WWOX: variants seen among roughly 807,000 people sequenced by gnomAD.
The protein encoded by WWOX is WW domain containing oxidoreductase, also known as WW domain-containing oxidoreductase.
In WWOX, 69 loss-of-function variants were observed where a neutral mutation model predicts 46.2. The observed-to-expected ratio is 1.49, with a 90% CI of 1.23 to 1.82. The LOEUF (loss-of-function observed/expected upper bound fraction) is 1.82. WWOX is among the 40% of genes most tolerant of loss of function. WWOX has a pLI of 0.00. For missense variants in WWOX, 919 were observed against 542.6 expected (o/e 1.69, Z -6.89); for synonymous variants, 359 against 202.6 (o/e 1.77, Z -6.56).
chr16:79,163,038 T>C (rs1325167185), intron 8 of WWOX, among the ~76,000 whole-genome samples: 1 of 152,200 alleles, frequency 6.6e-6, no homozygotes, highest in Non-Finnish European at 1.5e-5. Context: ...CAAGTATTCT[T>C]TCAGGCATTT....
intron 5 of WWOX, among the ~76,000 whole-genome samples, chr16:78,352,561 C>T (rs962284709): frequency 2.0e-5 from 3 of 152,176 alleles, no homozygotes; most frequent in African/African-American, 7.2e-5. Flanking sequence ...TCTTCTGCTT[C>T]TGCTTTTAAG....
chr16:78,256,455 A>G (rs74027962), intron 5 of WWOX, among the ~76,000 whole-genome samples: 2,052 of 152,034 alleles, frequency 0.013, 62 homozygotes, highest in African/African-American at 0.047. Context: ...TTTTTGCTCC[A>G]ATAAACTGGG....
At chr16:78,261,176 G>A (rs918576971) in intron 5 of WWOX, among the ~76,000 whole-genome samples, 2 of 150,366 alleles carry the variant, frequency 1.3e-5, no homozygotes, top group Admixed American at 1.3e-4. Context: ...TTATATGGTG[G>A]CCAAAAAAGC....
chr16:78,340,881 C>T (rs1442083478), intron 5 of WWOX, among the ~76,000 whole-genome samples: 1 of 119,012 alleles, frequency 8.4e-6, no homozygotes, highest in Non-Finnish European at 2.0e-5. Flanking sequence ...TGTTTATGTT[C>T]TCTTCTGATA....
At chr16:78,187,821 A>G (rs10521024) in intron 5 of WWOX, among the ~76,000 whole-genome samples, 20,485 of 152,202 alleles carry the variant, frequency 0.13, 1,550 homozygotes, top group African/African-American at 0.19. Flanking sequence ...GAATGGTTCA[A>G]GCCACATTAG....
chr16:78,356,258 C>G (rs2081288240), intron 5 of WWOX, among the ~76,000 whole-genome samples: 2 of 151,796 alleles, frequency 1.3e-5, no homozygotes, highest in Admixed American at 1.3e-4. Flanking sequence ...ATATATGTAT[C>G]ATATACATAT....
intron 3 of WWOX, among the ~76,000 whole-genome samples, chr16:78,111,226 G>C (rs2032470992): frequency 6.6e-6 from 1 of 152,130 alleles, no homozygotes; most frequent in South Asian, 2.1e-4. Context: ...CGAGGCAAGA[G>C]ACTGAAGGCA....
At chr16:78,499,467 C>T (rs547286152) in intron 8 of WWOX, among the ~76,000 whole-genome samples, 8 of 152,342 alleles carry the variant, frequency 5.3e-5, no homozygotes, top group African/African-American at 1.9e-4. Flanking sequence ...TCTAAGTGGT[C>T]AGGTGGGACT....
intron 8 of WWOX, among the ~76,000 whole-genome samples, chr16:79,048,308 C>T (rs79032888): frequency 0.029 from 4,470 of 152,126 alleles, 215 homozygotes; most frequent in African/African-American, 0.1. Context: ...GATGGAAGCC[C>T]AGGGGCCCCA....
chr16:78,141,993 CT>C (rs34178361), intron 4 of WWOX, among the ~76,000 whole-genome samples: 24,229 of 145,844 alleles, frequency 0.17, 2,401 homozygotes, highest in African/African-American at 0.28. Context: ...TTTTAAATTT[CT>C]TTTTTTTTTT....
intron 8 of WWOX, among the ~76,000 whole-genome samples, chr16:78,600,563 C>G (rs900419568): frequency 6.6e-6 from 1 of 152,150 alleles, no homozygotes; most frequent in Non-Finnish European, 1.5e-5. Flanking sequence ...GGATCATCAT[C>G]ATTTTGTGGG....
intron 5 of WWOX, among the ~76,000 whole-genome samples, chr16:78,260,024 C>G (rs2038236851): frequency 6.6e-6 from 1 of 151,228 alleles, no homozygotes. Context: ...TGCCTTCTGA[C>G]TGGGTGAGAC....
At chr16:78,457,625 A>G (rs1371589094) in intron 8 of WWOX, among the ~76,000 whole-genome samples, 4 of 152,102 alleles carry the variant, frequency 2.6e-5, no homozygotes, top group Admixed American at 6.6e-5. Flanking sequence ...TGAAAATAAC[A>G]TGAACTGGCC....
chr16:78,197,668 T>C (rs961632136), intron 5 of WWOX, among the ~76,000 whole-genome samples: 2 of 152,228 alleles, frequency 1.3e-5, no homozygotes, highest in Non-Finnish European at 2.9e-5. Flanking sequence ...TTCACGTCTT[T>C]ATTGCATGCC....
chr16:79,171,696 A>G (rs2050702498), intron 8 of WWOX, among the ~76,000 whole-genome samples: 1 of 152,054 alleles, frequency 6.6e-6, no homozygotes, highest in Admixed American at 6.5e-5. Context: ...CTTTTTTATC[A>G]TCCAATCAGC....
In WWOX at chr16:79,023,957, A is replaced by AAAC. The variant is rs67624913; in HGVS notation, c.1057-187648_1057-187646dup. 2.9e-4 allele frequency among the ~76,000 whole-genome samples: 3 copies of AAAC among 10,396 alleles called. No homozygotes were observed. The African/African-American group carries it at 5.2e-3, about 18-fold the overall frequency. The allele number at this position is 10,396 out of a possible 152,430, so 6.8% of individuals were successfully genotyped here. On this transcript the variant is annotated intron_variant, in intron 8 of 8. Transcript: ENST00000566780. The stretch of plus-strand genomic sequence containing the variant: ...GATGACAGCAAGACTCCATCTCAAA[A>AAAC]AACAAACAAAAAAAACATTATATTA...
At chr16:78,875,860 C>T (rs567237839) in intron 8 of WWOX, among the ~76,000 whole-genome samples, 1 of 152,188 alleles carries the variant, frequency 6.6e-6, no homozygotes, top group African/African-American at 2.4e-5. Context: ...AAGAATGTTT[C>T]TTCCACACTT....
chr16:78,632,318 A>G (rs183344486), intron 8 of WWOX, among the ~76,000 whole-genome samples: 1 of 152,272 alleles, frequency 6.6e-6, no homozygotes, highest in East Asian at 1.9e-4. Context: ...AACACGTAGA[A>G]TAGTATTTGA....
chr16:79,017,068 G>C (rs2047429103), intron 8 of WWOX: 1 of 152,056 alleles, frequency 6.6e-6, no homozygotes, highest in South Asian at 2.1e-4. Flanking sequence ...TCCAGGTCGG[G>C]TATATTATGT....
Sources: gnomAD v4.1 joint callset for allele counts (sites outside exome capture counted in the v4.1 genomes callset) on GRCh38, gnomAD v4.1.1 for gene constraint, MANE v1.5 for transcripts, NCBI Gene and HGNC (gene_info 2026-07-23, HGNC 2026-07-21) for gene names.